KLHL32: variants seen among roughly 807,000 people sequenced by gnomAD.
KLHL32 encodes the protein kelch like family member 32.
Under a neutral mutation model 64.8 loss-of-function variants are expected in KLHL32, and 35 were observed. The observed-to-expected ratio is 0.54, with a 90% confidence interval of 0.41 to 0.72. KLHL32 has a LOEUF of 0.72. Ranked by LOEUF, KLHL32 falls within the 30% of genes least tolerant of loss-of-function variation. The probability of loss-of-function intolerance (pLI) is 0.00; values close to 1 mark genes in which losing one functional copy is unlikely to be tolerated. For synonymous variants in KLHL32, 259 were observed against 281.0 expected, an observed-to-expected ratio of 0.92 and a Z score of 0.78; for missense variants, 589 against 768.5, an observed-to-expected ratio of 0.77 and a Z score of 2.76.
chr6:96,934,668 C>T (rs1176164233), intron 1 of KLHL32, among the ~76,000 whole-genome samples: 1 of 152,220 alleles, frequency 6.6e-6, no homozygotes, highest in Non-Finnish European at 1.5e-5. Flanking sequence ...CTGCAGAGAG[C>T]AGCTAATATC....
At chr6:96,901,564 G>A in the KLHL32 span, among the ~76,000 whole-genome samples, 1 of 152,158 alleles carries the variant, frequency 6.6e-6, no homozygotes, top group East Asian at 1.9e-4. Flanking sequence ...ATTTTGCTAT[G>A]TAAGGTAGCA....
upstream of KLHL32, among the ~76,000 whole-genome samples, chr6:96,921,699 G>C (rs1416543758): frequency 6.6e-6 from 1 of 152,126 alleles, no homozygotes; most frequent in East Asian, 1.9e-4. Flanking sequence ...ATTGAACAAA[G>C]AACTATGACA....
Position 97,102,952 on chromosome 6 carries a change from C to A in KLHL32, c.628-10831C>A, listed in dbSNP as rs552860828. ...CATCACCCAGATATTAAGCCTAGTA[C>A]TCAATAGTTATTTTTTCTGCTCCTC... On this transcript the variant is annotated intron_variant, in intron 6 of 10. Transcript: ENST00000369261. Among the ~76,000 whole-genome samples the A allele has an allele frequency of 3.9e-5, 6 of 152,012 alleles. No individual in the cohort carries two copies. In the South Asian group the frequency reaches 6.2e-4, roughly 16 times the overall value.
At chr6:97,129,845 T>G (rs1799249606) in intron 8 of KLHL32, among the ~76,000 whole-genome samples, 1 of 152,174 alleles carries the variant, frequency 6.6e-6, no homozygotes, top group Non-Finnish European at 1.5e-5. Context: ...ATCATGTCAC[T>G]GCACTCCAGC....
chr6:96,948,469 G>A (rs1307728308), intron 1 of KLHL32, among the ~76,000 whole-genome samples: 1 of 151,978 alleles, frequency 6.6e-6, no homozygotes, highest in Non-Finnish European at 1.5e-5. Flanking sequence ...TTGTGATGTA[G>A]GTGTGTCCTT....
chr6:96,900,908 T>C, the KLHL32 span, among the ~76,000 whole-genome samples: 1 of 152,202 alleles, frequency 6.6e-6, no homozygotes, highest in African/African-American at 2.4e-5. Flanking sequence ...AGAGAATTTG[T>C]AGGAGTCCAA....
chr6:96,910,993 G>GTAAA, the KLHL32 span, among the ~76,000 whole-genome samples: 1 of 152,286 alleles, frequency 6.6e-6, no homozygotes, highest in Admixed American at 6.5e-5. Flanking sequence ...AGTTAATTGT[G>GTAAA]TAAATAACAT....
chr6:97,019,092 A>G (rs1172902555), intron 3 of KLHL32, among the ~76,000 whole-genome samples: 1 of 152,246 alleles, frequency 6.6e-6, no homozygotes, highest in African/African-American at 2.4e-5. Flanking sequence ...TTGATAATCT[A>G]GCCTCCTCCT....
At chr6:97,034,471 T>A (rs573219725) in intron 3 of KLHL32, among the ~76,000 whole-genome samples, 1 of 152,286 alleles carries the variant, frequency 6.6e-6, no homozygotes, top group East Asian at 1.9e-4. Context: ...TTCTTTTTGT[T>A]TAAGATTTCT....
intron 6 of KLHL32, among the ~76,000 whole-genome samples, chr6:97,092,430 A>G (rs893718460): frequency 1.3e-5 from 2 of 152,160 alleles, no homozygotes; most frequent in African/African-American, 4.8e-5. Flanking sequence ...CAACTTACAA[A>G]TTTGTACCAC....
At chr6:97,103,502 T>C (rs547334183) in intron 6 of KLHL32, among the ~76,000 whole-genome samples, 7 of 152,182 alleles carry the variant, frequency 4.6e-5, no homozygotes, top group Non-Finnish European at 7.4e-5. Flanking sequence ...CGCCCAGCCA[T>C]GTATAAAATC....
At position 97,039,099 on chromosome 6, in the gene KLHL32, AAAAAAAG is replaced by A. The variant is rs1273461106; in HGVS notation, c.205-2386_205-2380del. Among the ~76,000 whole-genome samples the A allele has an allele frequency of 2.6e-5, 4 of 150,998 alleles. No individual in the cohort carries two copies. In the South Asian group the frequency reaches 6.2e-4, roughly 23 times the overall value. ...AGCAAGACTCTGTCTCAAAAAAAAA[AAAAAAAG>A]AAAAAAAGAAAAAGAAAATGGAATT... is the stretch of plus-strand genomic sequence containing the variant. On this transcript the variant is annotated intron_variant, in intron 3 of 10. Coordinates refer to ENST00000369261, the MANE Select transcript of KLHL32 (RefSeq NM_052904.4).
chr6:97,045,232 T>C (rs1582830868), intron 4 of KLHL32, among the ~76,000 whole-genome samples: 1 of 152,302 alleles, frequency 6.6e-6, no homozygotes, highest in African/African-American at 2.4e-5. Flanking sequence ...TTTCAAGACT[T>C]AGGAAATTAA....
intron 3 of KLHL32, among the ~76,000 whole-genome samples, chr6:96,993,987 A>G (rs900752055): frequency 1.3e-5 from 2 of 152,092 alleles, no homozygotes; most frequent in African/African-American, 4.8e-5. Flanking sequence ...CTACATAGAG[A>G]TACTGTATCT....
Position 97,035,308 on chromosome 6 carries a change from T to C in KLHL32, c.205-6184T>C, listed in dbSNP as rs191602709. Among the ~76,000 whole-genome samples the C allele has an allele frequency of 2.0e-3, 305 of 152,280 alleles. 3 individuals carry two copies. The highest frequency in any genetic ancestry group is 3.9e-3 in the Non-Finnish European group (266 of 67,974). On this transcript the variant is annotated intron_variant, in intron 3 of 10. Transcript: ENST00000369261. ...AGAGTTTAATTCTTTTTATATTGTG[T>C]ATCCATCAACAAATTTTGGTCTTTT...
At chr6:96,933,420 G>A (rs946394761) in intron 1 of KLHL32, among the ~76,000 whole-genome samples, 1 of 152,174 alleles carries the variant, frequency 6.6e-6, no homozygotes, top group Non-Finnish European at 1.5e-5. Flanking sequence ...AGACTCCTTT[G>A]TTGGATGCAG....
the KLHL32 span, among the ~76,000 whole-genome samples, chr6:96,910,558 C>T: frequency 6.6e-6 from 1 of 152,150 alleles, no homozygotes; most frequent in Non-Finnish European, 1.5e-5. Flanking sequence ...GATTTGCAAA[C>T]TGTATATGTT....
intron 3 of KLHL32, among the ~76,000 whole-genome samples, chr6:97,035,727 A>G (rs1784194937): frequency 6.6e-6 from 1 of 152,128 alleles, no homozygotes; most frequent in Admixed American, 6.5e-5. Flanking sequence ...TCCCTTATAC[A>G]TGACAAGTCA....
intron 2 of KLHL32, among the ~76,000 whole-genome samples, chr6:96,973,628 A>G (rs558153039): frequency 2.4e-4 from 37 of 152,214 alleles, no homozygotes; most frequent in African/African-American, 8.9e-4. Context: ...ATATTATTCT[A>G]AAAGGCTGAT....
Sources: gnomAD v4.1 joint callset for allele counts (sites outside exome capture counted in the v4.1 genomes callset) on GRCh38, gnomAD v4.1.1 for gene constraint, MANE v1.5 for transcripts, NCBI Gene and HGNC (gene_info 2026-07-23, HGNC 2026-07-21) for gene names.